The following IGF1 variants were observed in gnomAD, a reference collection of about 807,000 sequenced individuals.
IGF1 encodes insulin-like growth factor 1.
IGF1 carries 4 observed loss-of-function variants against 13.8 expected under a neutral mutation model. The observed-to-expected ratio is 0.29, with a 90% CI of 0.14 to 0.66. The LOEUF (loss-of-function observed/expected upper bound fraction) is 0.66, where lower values mean the gene tolerates loss of function less well. Ranked by LOEUF, IGF1 falls within the 30% of genes least tolerant of loss-of-function variation. IGF1 has a pLI of 0.78. For missense variants in IGF1, 124 were observed against 188.5 expected (o/e 0.66, Z 2.00); for synonymous variants, 76 against 72.6 (o/e 1.05, Z -0.23).
At chr12:102,465,582 T>C (rs1358948336) in intron 2 of IGF1, among the ~76,000 whole-genome samples, 1 of 152,162 alleles carries the variant, frequency 6.6e-6, no homozygotes, top group Non-Finnish European at 1.5e-5. Context: ...GCTTTTTCAC[T>C]TGTGAGGAAT....
Position 102,401,952 on chromosome 12 carries a change from T to C in IGF1, c.*555A>G, listed in dbSNP as rs1873713773. ...TTGTGGGTTAGAATTGGTGTGCTTC[T>C]TGACGACTTGCTGCTGCTTTTGAGG... On this transcript the variant is annotated 3_prime_UTR_variant, in exon 4 of 4. Transcript: ENST00000337514. 2.0e-5 allele frequency: 3 copies of C among 152,708 alleles called. No individual in the cohort carries two copies. Among genetic ancestry groups the C allele is most frequent in the African/African-American group, 7.2e-5 (3 of 41,466 alleles). 9.5% of individuals were successfully genotyped at this position (152,708 alleles called of 1,614,324 possible).
At chr12:102,463,184 C>G (rs893434437) in intron 2 of IGF1, 1 of 152,162 alleles carries the variant, frequency 6.6e-6, no homozygotes, top group East Asian at 1.9e-4. Context: ...CAAATTACCC[C>G]AAAAAGAAAT....
intron 2 of IGF1, among the ~76,000 whole-genome samples, chr12:102,441,121 A>C (rs1269415145): frequency 6.6e-6 from 1 of 152,186 alleles, no homozygotes; most frequent in East Asian, 1.9e-4. Context: ...CTAGTGACTC[A>C]TGGGAATTAT....
intron 2 of IGF1, among the ~76,000 whole-genome samples, chr12:102,463,810 A>G (rs1256282377): frequency 6.6e-6 from 1 of 152,234 alleles, no homozygotes; most frequent in East Asian, 1.9e-4. Flanking sequence ...TGGACCAAGC[A>G]TGAGGTGACT....
chr12:102,417,728 C>A, intron 3 of IGF1: 1 of 1,564,128 alleles, frequency 6.4e-7, no homozygotes, highest in Non-Finnish European at 8.6e-7. Context: ...TACTTTTCTT[C>A]ATTTCCTCTA....
At chr12:102,452,661 G>A (rs1195597080) in intron 2 of IGF1, among the ~76,000 whole-genome samples, 3 of 152,172 alleles carry the variant, frequency 2.0e-5, no homozygotes, top group African/African-American at 7.2e-5. Context: ...GACCCTCTGA[G>A]TTTGAAGATA....
chr12:102,440,052 A>G (rs377575363), intron 2 of IGF1, among the ~76,000 whole-genome samples: 127 of 152,320 alleles, frequency 8.3e-4, no homozygotes, highest in African/African-American at 2.8e-3. Flanking sequence ...GCTAGAGGCA[A>G]GGGACCGGAC....
At chr12:102,402,614 T>A (rs766840468) in intron 3 of IGF1, 48 bp from the exon 4 acceptor site, 2 of 779,364 alleles carry the variant, frequency 2.6e-6, no homozygotes, top group Non-Finnish European at 4.8e-6. Context: ...AAGTTTTATG[T>A]ATCCATCTAT....
At chr12:102,427,622 C>A (rs1876325787) in intron 2 of IGF1, among the ~76,000 whole-genome samples, 1 of 152,210 alleles carries the variant, frequency 6.6e-6, no homozygotes, top group Admixed American at 6.5e-5. Context: ...GCCAGGATGG[C>A]AGGTGAAGGG....
chr12:102,425,932 GA>G (rs1351571597), intron 2 of IGF1, among the ~76,000 whole-genome samples: 2 of 152,154 alleles, frequency 1.3e-5, no homozygotes, highest in Non-Finnish European at 2.9e-5. Flanking sequence ...TTGCTGGACA[GA>G]AAAATATTGT....
chr12:102,452,482 T>C (rs987107152), intron 2 of IGF1, among the ~76,000 whole-genome samples: 4 of 152,074 alleles, frequency 2.6e-5, no homozygotes, highest in African/African-American at 9.7e-5. Context: ...AAATAGATGC[T>C]CAGTAAATAT....
intron 2 of IGF1, among the ~76,000 whole-genome samples, chr12:102,445,343 A>G (rs1023658281): frequency 2.6e-5 from 4 of 152,152 alleles, no homozygotes; most frequent in East Asian, 1.9e-4. Flanking sequence ...GGCAATTTTC[A>G]TGATATTGAT....
upstream of IGF1, among the ~76,000 whole-genome samples, chr12:102,480,967 A>G (rs1881356669): frequency 6.6e-6 from 1 of 152,176 alleles, no homozygotes. Flanking sequence ...ACAAAAAAAG[A>G]AAGAAAGGAC....
chr12:102,412,244 T>C (rs1210967875), intron 3 of IGF1, among the ~76,000 whole-genome samples: 1 of 152,214 alleles, frequency 6.6e-6, no homozygotes, highest in South Asian at 2.1e-4. Flanking sequence ...AAAGGAATCC[T>C]GCAGTTTTTA....
chr12:102,417,594 C>G lies in IGF1; in HGVS notation c.402+1915G>C, dbSNP rs1352756781. 18 of 1,205,538 alleles carry G rather than the reference C, an allele frequency of 1.5e-5. No homozygotes were observed. The Admixed American group carries it at 2.2e-4, about 15-fold the overall frequency. 74.7% of individuals were successfully genotyped at this position (1,205,538 alleles called of 1,614,324 possible). A position where few individuals can be genotyped will look rare whatever the true frequency, so the allele number is the denominator to read the frequency against. On this transcript the variant is annotated intron_variant, in intron 3 of 3. Coordinates refer to ENST00000337514, the MANE Select transcript of IGF1 (RefSeq NM_000618.5). ...TTATTTTTTTTTTTCATTTTTGCCA[C>G]TGTCTTTCTTTGCGCTTTCTAGGGC...
chr12:102,441,457 C>G (rs1432669457), intron 2 of IGF1, among the ~76,000 whole-genome samples: 1 of 152,142 alleles, frequency 6.6e-6, no homozygotes, highest in Non-Finnish European at 1.5e-5. Flanking sequence ...TTTTCCTGCC[C>G]TTTAGATGAG....
intron 1 of IGF1, among the ~76,000 whole-genome samples, chr12:102,477,547 T>TG (rs1195949073): frequency 6.6e-6 from 1 of 151,550 alleles, no homozygotes; most frequent in African/African-American, 2.4e-5. Context: ...TTTTTTTTTT[T>TG]TTTGGTTGTA....
At chr12:102,458,459 G>A (rs1879612684) in intron 2 of IGF1, among the ~76,000 whole-genome samples, 1 of 152,114 alleles carries the variant, frequency 6.6e-6, no homozygotes, top group Admixed American at 6.5e-5. Flanking sequence ...TTTAGATACA[G>A]CACTTCTCAC....
intron 2 of IGF1, among the ~76,000 whole-genome samples, chr12:102,455,668 A>T (rs1879325435): frequency 6.6e-6 from 1 of 152,190 alleles, no homozygotes; most frequent in Non-Finnish European, 1.5e-5. Flanking sequence ...AAAAGCCTCC[A>T]TGAGGCAAGT....
Sources: gnomAD v4.1 joint callset for allele counts (sites outside exome capture counted in the v4.1 genomes callset) on GRCh38, gnomAD v4.1.1 for gene constraint, MANE v1.5 for transcripts, NCBI Gene and HGNC (gene_info 2026-07-23, HGNC 2026-07-21) for gene names.